The following MED12 variants were observed in gnomAD, a reference collection of about 807,000 sequenced individuals.
MED12 encodes the protein mediator complex subunit 12, also known as mediator of RNA polymerase II transcription subunit 12.
MED12 carries 10 observed loss-of-function variants against 177.7 expected under a neutral mutation model. The ratio of observed to expected loss-of-function variants is 0.06; its 90% CI spans 0.03 to 0.10. MED12 has a LOEUF of 0.10. Ranked by LOEUF, MED12 falls within the 10% of genes least tolerant of loss-of-function variation. The pLI, the probability that MED12 is intolerant of heterozygous loss-of-function variation, is 1.00. For missense variants in MED12, 867 were observed against 1,780.8 expected (o/e 0.49, Z 9.23); for synonymous variants, 641 against 678.4 (o/e 0.94, Z 0.86).
rs758698633 is a variant in MED12 at position 71,125,654 on chromosome X, C to G, written c.2372-9C>G. On this transcript the variant is annotated splice_polypyrimidine_tract_variant and intron_variant, in intron 16 of 44. Coordinates refer to ENST00000374080, the MANE Select transcript of MED12 (RefSeq NM_005120.3). ...TTGAAACTTCCCCCCTCATTCCCCC[C>G]CTCTACAGACCAGCTTGCTCCTATT... 5 of 860,034 alleles carry G rather than the reference C, an allele frequency of 5.8e-6. No individual in the cohort carries two copies. Among genetic ancestry groups the G allele is most frequent in the South Asian group, 2.0e-5 (1 of 50,470 alleles). 70.9% of individuals were successfully genotyped at this position (860,034 alleles called of 1,213,427 possible). A position where few individuals can be genotyped will look rare whatever the true frequency, so the allele number is the denominator to read the frequency against.
chrX:71,134,230 C>CAAAAAAAAA, intron 33 of MED12, 127 bp from the exon 34 acceptor site: 3 of 301,848 alleles, frequency 9.9e-6, no homozygotes, highest in South Asian at 4.4e-5. Context: ...GACTCCGTCT[C>CAAAAAAAAA]AAAAAAAAAA....
intron 41 of MED12, among the ~76,000 whole-genome samples, chrX:71,140,080 C>CT (rs746271800): frequency 0.2 from 17,457 of 88,560 alleles, 2,347 homozygotes; most frequent in Middle Eastern, 0.4. Context: ...TCTTTTCTTT[C>CT]TTTTTTTTTT....
chrX:71,130,204 G>A lies in MED12; in HGVS notation c.4037G>A (p.Arg1346His), dbSNP rs966195679. The A allele has an allele frequency of 6.6e-6, 8 of 1,204,944 alleles. No homozygotes were observed. Among genetic ancestry groups the A allele is most frequent in the Non-Finnish European group, 9.0e-6 (8 of 892,488 alleles). ...GENPQRQRIK[R>H]ILQNLDQWTM... ...AACCCCCAGCGGCAGCGCATAAAGCGCATTCTCCAGGTAGGCCAAGGCCGT... is the reference window on the plus strand; with the variant it reads ...AACCCCCAGCGGCAGCGCATAAAGCACATTCTCCAGGTAGGCCAAGGCCGT... The change falls in exon 28 of 45, where the codon CGC (arginine) becomes CAC (histidine). Residue 1346 changes from arginine (R) to histidine (H), a missense_variant. Physicochemically the swap from Arg to His is conservative, Grantham distance 29 (BLOSUM62 0). Transcript: ENST00000374080.
rs368090262 is a variant in MED12 at position 71,126,370 on chromosome X, G to C, written c.2571G>C (p.Thr857=). 8.3e-7 allele frequency: 1 copy of C among 1,210,405 alleles called. No homozygotes were observed. Among genetic ancestry groups the C allele is most frequent in the Non-Finnish European group, 1.1e-6 (1 of 895,258 alleles). ...CCCGGAATGTTCTGGAGCAGATCACGAGCTTTGCCCTTGGCATGTCATACC... is the reference window on the plus strand; with the variant it reads ...CCCGGAATGTTCTGGAGCAGATCACCAGCTTTGCCCTTGGCATGTCATACC... ...QVSRNVLEQI[T]SFALGMSYHL... Residue 857 remains threonine (T), a synonymous_variant, in exon 19 of 45, where the codon ACG becomes ACC. Coordinates refer to ENST00000374080, the MANE Select transcript of MED12 (RefSeq NM_005120.3).
chrX:71,129,207 C>T lies in MED12; in HGVS notation c.3569C>T (p.Ser1190Phe). The T allele has an allele frequency of 8.3e-7, 1 of 1,207,293 alleles. No homozygotes were observed. The highest frequency in any genetic ancestry group is 1.7e-5 in the African/African-American group (1 of 57,750). ...ACACCGCAGCTCAATCCTTGCCAGT[C>T]TGATGGAAGTAAGTGACCCTGATCT... Reference protein sequence around the residue: ...FKTPQLNPCQSDGNKPTVGIR... With the variant: ...FKTPQLNPCQFDGNKPTVGIR... Residue 1190 changes from serine (S) to phenylalanine (F), a missense_variant, in exon 25 of 45, where the codon TCT (serine) becomes TTT (phenylalanine). By Grantham distance (155) the Ser-to-Phe change is radical. Transcript: ENST00000374080.
chrX:71,124,034 G>T (rs762083005), intron 12 of MED12, 125 bp from the exon 13 acceptor site: 61 of 610,780 alleles, frequency 1.0e-4, no homozygotes, highest in Non-Finnish European at 1.4e-4. Flanking sequence ...ACCACACTTT[G>T]TCCCTCAACA....
Position 71,121,272 on chromosome X carries a change from T to TACTTTATCTGCTTC in MED12, c.736-53_736-40dup, listed in dbSNP as rs71951253. The TACTTTATCTGCTTC allele has an allele frequency of 0.28, 327,468 of 1,182,240 alleles. 35,299 individuals carry two copies. Among genetic ancestry groups the TACTTTATCTGCTTC allele is most frequent in the Middle Eastern group, 0.4 (1,679 of 4,146 alleles). On this transcript the variant is annotated intron_variant, in intron 5 of 44. Coordinates refer to ENST00000374080, the MANE Select transcript of MED12 (RefSeq NM_005120.3). ...TTGTGGTTCTCTTCATCTTTTCATT[T>TACTTTATCTGCTTC]ACTTTATCTGCTTCATCTCTAATAG...
At position 71,132,581 on chromosome X, in the gene MED12, G is replaced by A. The variant is rs780389191; in HGVS notation, c.4415+43G>A. On this transcript the variant is annotated intron_variant, in intron 31 of 44. Transcript: ENST00000374080. ...GTGGACCAAGATTGAGGGGTAGAAA[G>A]GAGAAGAGGCAGGCCCGGGGAAGAA... 18 of 1,149,220 alleles carry A rather than the reference G, an allele frequency of 1.6e-5. No homozygotes were observed. In the African/African-American group the frequency reaches 3.2e-4, roughly 21 times the overall value. The allele number at this position is 1,149,220 out of a possible 1,213,427, so 94.7% of individuals were successfully genotyped here. A position where few individuals can be genotyped will look rare whatever the true frequency, so the allele number is the denominator to read the frequency against.
chrX:71,122,632 G>A (rs1195382775), intron 9 of MED12, 25 bp downstream of exon 9: 1 of 1,198,355 alleles, frequency 8.3e-7, no homozygotes, highest in Non-Finnish European at 1.1e-6. Context: ...ACAGATAATA[G>A]GAAATATGTT....
rs757133536 is a variant in MED12, at chrX:71,136,699, C to G, written c.5400+44C>G. The G allele has an allele frequency of 1.5e-4, 180 of 1,199,254 alleles. No homozygotes were observed. The East Asian group carries it at 4.7e-3, about 31-fold the overall frequency. On this transcript the variant is annotated intron_variant, in intron 37 of 44. Transcript: ENST00000374080. ...ACAGTTCTCCCACAGCCTCTCACTT[C>G]ATGACGCTCCGGTTTCTGGTTTGTG... is the stretch of plus-strand genomic sequence containing the variant.
In MED12 at chrX:71,136,555, C is replaced by G. The variant is rs1359177334; in HGVS notation, c.5300C>G (p.Pro1767Arg). The G allele has an allele frequency of 1.7e-6, 2 of 1,198,305 alleles. No homozygotes were observed. The highest frequency in any genetic ancestry group is 2.3e-5 in the Admixed American group (1 of 43,959). ...LEPEKKAPEP[P>R]KTDKPGAAPP... is the part of the protein sequence containing the mutation. ...CCTGAGAAAAAGGCTCCAGAGCCCCCCAAAACTGACAAACCGGGGGCTGCT... is the reference window on the plus strand; with the variant it reads ...CCTGAGAAAAAGGCTCCAGAGCCCCGCAAAACTGACAAACCGGGGGCTGCT... Residue 1767 changes from proline to arginine, a missense_variant, in exon 37 of 45, where the codon CCC (proline) becomes CGC (arginine). By Grantham distance (103) the Pro-to-Arg change is moderately radical. Around this residue, in one of 14 missense-constraint regions of MED12, gnomAD observed 236 missense variants for 345.2 expected, o/e 0.68. Coordinates refer to ENST00000374080, the MANE Select transcript of MED12 (RefSeq NM_005120.3).
chrX:71,131,813 T>C (rs1220934712), intron 29 of MED12, among the ~76,000 whole-genome samples, 192 bp downstream of exon 29: 2 of 111,096 alleles, frequency 1.8e-5, no homozygotes, highest in Admixed American at 1.9e-4. Context: ...AGCTCTGAGC[T>C]GTGGGGAAGC....
chrX:71,122,746 A>G lies in MED12; in HGVS notation c.1357A>G (p.Ile453Val). 1 of 1,211,803 alleles carries G rather than the reference A, an allele frequency of 8.3e-7. No homozygotes were observed. The highest frequency in any genetic ancestry group is 1.1e-6 in the Non-Finnish European group (1 of 895,539). The change falls in exon 10 of 45, where the codon ATT becomes GTT. Residue 453 changes from isoleucine (I) to valine (V), a missense_variant. By Grantham distance (29) the Ile-to-Val change is conservative. This residue lies in a region of MED12 where 309 missense variants were observed against 556.3 expected (regional missense o/e 0.56). Transcript: ENST00000374080. The stretch of plus-strand genomic sequence containing the variant: ...CCACTTTTCCTCCTTAGGCTTCACC[A>G]TTGGACGGGTACTTCATACTTTGGA... ...KCQEATAGFT[I>V]GRVLHTLEVL...
rs113486734 is a variant in MED12, at chrX:71,118,920, C to A, written c.99+67C>A. The A allele has an allele frequency of 3.9e-5, 34 of 877,486 alleles. No individual in the cohort carries two copies. The African/African-American group carries it at 6.0e-4, about 15-fold the overall frequency. 72.3% of individuals were successfully genotyped at this position (877,486 alleles called of 1,213,427 possible). On this transcript the variant is annotated intron_variant, in intron 1 of 44. Coordinates refer to ENST00000374080, the MANE Select transcript of MED12 (RefSeq NM_005120.3). ...CGGTCAGCCTAGGAGGAGGCACTGA[C>A]GGCTGGGAATGGGGGGCGGGGCGGT...
Position 71,136,912 on chromosome X carries a change from T to C in MED12, c.5434T>C (p.Tyr1812His). 8.3e-7 allele frequency: 1 copy of C among 1,210,843 alleles called. No homozygotes were observed. Among genetic ancestry groups the C allele is most frequent in the African/African-American group, 1.7e-5 (1 of 57,555 alleles). The change falls in exon 38 of 45, where the codon TAT becomes CAT. Residue 1812 changes from tyrosine (Y) to histidine (H), a missense_variant. Transcript: ENST00000374080. ...YGMGPGRSGP[Y>H]GVTVPPDLLH... ...AATGGGCCCGGGTCGGAGCGGCCCT[T>C]ATGGTGTGACAGTGCCTCCGGACCT... is the stretch of plus-strand genomic sequence containing the variant.
intron 19 of MED12, 81 bp from the exon 20 acceptor site, chrX:71,126,888 T>TG: frequency 9.4e-7 from 1 of 1,058,797 alleles, no homozygotes; most frequent in Non-Finnish European, 1.3e-6. Flanking sequence ...GGCCCAGCCT[T>TG]GCCAGCGTCC....
chrX:71,134,852 A>G lies in MED12; in HGVS notation c.4863+4A>G, dbSNP rs1411357742. The G allele has an allele frequency of 1.1e-5, 13 of 1,211,297 alleles. No individual in the cohort carries two copies. Among genetic ancestry groups the G allele is most frequent in the Non-Finnish European group, 1.3e-5 (12 of 895,480 alleles). Reference sequence around the variant, plus strand: ...GAACCTGGCGAAGAAGTTGCAGGTAAGCAGAGGAAGCGGGGGCAAGGTTTG... The same window carrying G: ...GAACCTGGCGAAGAAGTTGCAGGTAGGCAGAGGAAGCGGGGGCAAGGTTTG... On this transcript the variant is annotated splice_donor_region_variant and intron_variant, in intron 35 of 44. Coordinates refer to ENST00000374080, the MANE Select transcript of MED12 (RefSeq NM_005120.3).
Position 71,123,209 on chromosome X carries a change from G to T in MED12, c.1600G>T (p.Ala534Ser). 8.3e-7 allele frequency: 1 copy of T among 1,211,762 alleles called. No homozygotes were observed. The highest frequency in any genetic ancestry group is 1.1e-6 in the Non-Finnish European group (1 of 895,550). ...AGCCAAGCTCCTGGAGAAGAGACAG[G>T]CGGAGATTGAGGCTGAGGTTAGAGG... ...VVAKLLEKRQ[A>S]EIEAERCGES... Residue 534 changes from alanine (A) to serine (S), a missense_variant, in exon 11 of 45, where the codon GCG (alanine) becomes TCG (serine). Physicochemically the swap from Ala to Ser is moderately conservative, Grantham distance 99 (BLOSUM62 1). Transcript: ENST00000374080.
At chrX:71,139,548 G>A (rs1181456789) in intron 41 of MED12, among the ~76,000 whole-genome samples, 2 of 109,841 alleles carry the variant, frequency 1.8e-5, no homozygotes, top group Admixed American at 9.8e-5. Flanking sequence ...GGAGGAGTTG[G>A]GTATGTTGCA....
Sources: allele counts gnomAD v4.1 joint callset (sites outside exome capture counted in the v4.1 genomes callset), GRCh38; gene constraint gnomAD v4.1.1; regional missense constraint gnomAD v4.1.1; transcripts MANE v1.5; gene names NCBI Gene and HGNC (gene_info 2026-07-23, HGNC 2026-07-21).